EEFSEC: variants seen among roughly 807,000 people sequenced by gnomAD.
EEFSEC encodes the protein eukaryotic elongation factor, selenocysteine-tRNA specific.
A neutral mutation model predicts 42.1 loss-of-function variants in EEFSEC; 43 were observed. The observed-to-expected ratio is 1.02, with a 90% CI of 0.80 to 1.32. The LOEUF is 1.32. Ranked by LOEUF, EEFSEC falls within the 40% of genes most tolerant of loss-of-function variation. EEFSEC has a pLI of 0.00. For synonymous variants in EEFSEC, 354 were observed against 339.1 expected, an observed-to-expected ratio of 1.04 and a Z score of -0.48; for missense variants, 745 against 803.6, an observed-to-expected ratio of 0.93 and a Z score of 0.88.
chr3:128,268,903 T>G (rs1180738072), intron 4 of EEFSEC, among the ~76,000 whole-genome samples: 1 of 152,172 alleles, frequency 6.6e-6, no homozygotes, highest in Non-Finnish European at 1.5e-5. Context: ...TGGTAATTTG[T>G]TATGGCAGCC....
chr3:128,394,712 C>T (rs896102379), intron 6 of EEFSEC, among the ~76,000 whole-genome samples: 10 of 152,142 alleles, frequency 6.6e-5, no homozygotes, highest in Admixed American at 5.2e-4. Context: ...CCCCCAATGG[C>T]CAGCCTTGGG....
chr3:128,425,424 T>C, the EEFSEC span, among the ~76,000 whole-genome samples: 130 of 152,180 alleles, frequency 8.5e-4, 2 homozygotes, highest in East Asian at 0.024. Flanking sequence ...CTCGGGCTGC[T>C]TCCAGTTTGG....
At position 128,351,170 on chromosome 3, in the gene EEFSEC, T is replaced by G. The variant is rs551854331; in HGVS notation, c.1444-7047T>G. Among the ~76,000 whole-genome samples, 285 of 152,216 alleles carry G rather than the reference T, an allele frequency of 1.9e-3. 5 individuals are homozygous for G. Among genetic ancestry groups the G allele is most frequent in the African/African-American group, 6.3e-3 (262 of 41,532 alleles). ...GGCAGCTCCAAGCATGTGGTTGGTG[T>G]TGAGTACATGTTCTGTTCTTCTGGC... On this transcript the variant is annotated intron_variant, in intron 5 of 6. Coordinates refer to ENST00000254730, the MANE Select transcript of EEFSEC (RefSeq NM_021937.5).
At chr3:128,261,260 C>T (rs965886170) in intron 2 of EEFSEC, among the ~76,000 whole-genome samples, 1 of 152,180 alleles carries the variant, frequency 6.6e-6, no homozygotes, top group Non-Finnish European at 1.5e-5. Flanking sequence ...CCCTAAGCCT[C>T]ATTTTCTCAT....
At chr3:128,359,750 C>A (rs2067501748) in intron 6 of EEFSEC, among the ~76,000 whole-genome samples, 1 of 152,220 alleles carries the variant, frequency 6.6e-6, no homozygotes, top group African/African-American at 2.4e-5. Context: ...CGAGGTTGAT[C>A]CTGTGAGGAT....
chr3:128,170,042 A>G (rs906208221), intron 1 of EEFSEC, among the ~76,000 whole-genome samples: 2 of 152,118 alleles, frequency 1.3e-5, no homozygotes, highest in Admixed American at 1.3e-4. Flanking sequence ...CTGTGCCTGG[A>G]AGTGTGAAGG....
At chr3:128,330,601 T>C (rs1361554735) in intron 4 of EEFSEC, among the ~76,000 whole-genome samples, 1 of 151,898 alleles carries the variant, frequency 6.6e-6, no homozygotes, top group Non-Finnish European at 1.5e-5. Context: ...GCCACAGGGG[T>C]GAGGAGAGCT....
chr3:128,350,046 G>A (rs558728614), intron 5 of EEFSEC, among the ~76,000 whole-genome samples: 1 of 152,364 alleles, frequency 6.6e-6, no homozygotes, highest in East Asian at 1.9e-4. Context: ...GCGCCGGTCA[G>A]GGAAGGCCTT....
chr3:128,198,680 A>G (rs1314451082), intron 1 of EEFSEC, among the ~76,000 whole-genome samples: 1 of 152,196 alleles, frequency 6.6e-6, no homozygotes, highest in Admixed American at 6.5e-5. Flanking sequence ...TACAAAAAGA[A>G]TGGTCTTTAA....
chr3:128,344,645 GTC>G (rs2067291642), intron 5 of EEFSEC, among the ~76,000 whole-genome samples: 1 of 152,220 alleles, frequency 6.6e-6, no homozygotes, highest in Admixed American at 6.5e-5. Flanking sequence ...TGTCAAAAGA[GTC>G]TGCGTTCTCT....
chr3:128,266,885 C>G (rs1325646371), intron 4 of EEFSEC, among the ~76,000 whole-genome samples: 1 of 152,122 alleles, frequency 6.6e-6, no homozygotes, highest in Non-Finnish European at 1.5e-5. Context: ...ATTAAGATTA[C>G]TTTGGTGACT....
At chr3:128,278,916 T>TGGCAGCTGCTGCTGC (rs1165196924) in intron 4 of EEFSEC, among the ~76,000 whole-genome samples, 2 of 152,240 alleles carry the variant, frequency 1.3e-5, no homozygotes, top group Admixed American at 6.5e-5. Flanking sequence ...GCTGCTGCTG[T>TGGCAGCTGCTGCTGC]GGCAGCTGCT....
At chr3:128,337,137 G>T (rs1047993876) in intron 4 of EEFSEC, 2 of 152,158 alleles carry the variant, frequency 1.3e-5, no homozygotes, top group Non-Finnish European at 1.5e-5. Flanking sequence ...TGTTCTAAAT[G>T]GGTCTTCTGT....
At chr3:128,357,065 T>C (rs1464362633) in intron 5 of EEFSEC, among the ~76,000 whole-genome samples, 1 of 152,212 alleles carries the variant, frequency 6.6e-6, no homozygotes, top group Admixed American at 6.5e-5. Context: ...TGTGCATTGC[T>C]CATTTCCATA....
intron 6 of EEFSEC, among the ~76,000 whole-genome samples, chr3:128,402,682 C>G (rs534971567): frequency 2.1e-4 from 32 of 152,282 alleles, no homozygotes; most frequent in African/African-American, 6.3e-4. Flanking sequence ...TTGTTTGGAC[C>G]GAATTCCTAG....
intron 1 of EEFSEC, among the ~76,000 whole-genome samples, chr3:128,239,319 C>T (rs2066045859): frequency 6.6e-6 from 1 of 152,218 alleles, no homozygotes; most frequent in Admixed American, 6.5e-5. Context: ...AGTTCTTGAG[C>T]TCTTACTGTG....
At chr3:128,390,882 C>G (rs2067904473) in intron 6 of EEFSEC, among the ~76,000 whole-genome samples, 1 of 152,258 alleles carries the variant, frequency 6.6e-6, no homozygotes, top group South Asian at 2.1e-4. Flanking sequence ...GCTTGGCGCC[C>G]TCAGGCTGGG....
intron 4 of EEFSEC, among the ~76,000 whole-genome samples, chr3:128,303,855 C>A (rs2066796840): frequency 6.6e-6 from 1 of 152,134 alleles, no homozygotes; most frequent in African/African-American, 2.4e-5. Flanking sequence ...TATTTTGACA[C>A]AAGGAGAAAG....
chr3:128,182,505 A>T (rs1279746508), intron 1 of EEFSEC, among the ~76,000 whole-genome samples: 3 of 152,126 alleles, frequency 2.0e-5, no homozygotes, highest in African/African-American at 7.2e-5. Flanking sequence ...GCCAACACAC[A>T]TCATCAGTTT....
Sources: gnomAD v4.1 joint callset for allele counts (sites outside exome capture counted in the v4.1 genomes callset) on GRCh38, gnomAD v4.1.1 for gene constraint, MANE v1.5 for transcripts, NCBI Gene and HGNC (gene_info 2026-07-23, HGNC 2026-07-21) for gene names.